MCTP1: variants seen among roughly 807,000 people sequenced by gnomAD.
The protein encoded by MCTP1 is multiple C2 and transmembrane domain containing 1, also known as multiple C2 and transmembrane domain-containing protein 1.
MCTP1 carries 69 observed loss-of-function variants against 120.6 expected under a neutral mutation model. The ratio of observed to expected loss-of-function variants is 0.57; its 90% CI spans 0.47 to 0.70. MCTP1 has a LOEUF of 0.70. MCTP1 is among the 30% of genes least tolerant of loss of function. MCTP1 has a pLI of 0.00. For missense variants in MCTP1, 1,203 were observed against 1,248.8 expected (o/e 0.96, Z 0.55); for synonymous variants, 529 against 493.1 (o/e 1.07, Z -0.96).
chr5:95,031,822 C>T (rs1324644751), intron 1 of MCTP1, among the ~76,000 whole-genome samples: 1 of 152,092 alleles, frequency 6.6e-6, no homozygotes, highest in African/African-American at 2.4e-5. Flanking sequence ...CAACAAAGAT[C>T]CAATTTTTTG....
intron 2 of MCTP1, among the ~76,000 whole-genome samples, chr5:94,960,130 T>C (rs745503000): frequency 2.0e-5 from 3 of 152,056 alleles, no homozygotes; most frequent in Admixed American, 6.5e-5. Flanking sequence ...TCTACAACCA[T>C]CTGATCCTTG....
chr5:95,043,360 T>C (rs577679579), intron 1 of MCTP1, among the ~76,000 whole-genome samples: 26 of 152,286 alleles, frequency 1.7e-4, no homozygotes, highest in Middle Eastern at 3.4e-3. Flanking sequence ...TAACCCTTAC[T>C]AAGCAGTACT....
chr5:94,958,003 C>T (rs566180909), intron 2 of MCTP1, among the ~76,000 whole-genome samples: 5 of 151,642 alleles, frequency 3.3e-5, no homozygotes, highest in African/African-American at 7.3e-5. Context: ...ATTCTAAAAT[C>T]GACCACATAA....
intron 18 of MCTP1, among the ~76,000 whole-genome samples, chr5:94,790,111 C>T (rs1199838130): frequency 1.3e-5 from 2 of 152,072 alleles, no homozygotes; most frequent in African/African-American, 4.8e-5. Context: ...CTAATTTGGT[C>T]GTGAGGTCTG....
intron 17 of MCTP1, among the ~76,000 whole-genome samples, chr5:94,858,679 A>C (rs1330963740): frequency 6.6e-6 from 1 of 151,702 alleles, no homozygotes; most frequent in Non-Finnish European, 1.5e-5. Flanking sequence ...CTATGTTAGT[A>C]AGTCATTTTA....
rs564224130 is a variant in MCTP1 at position 94,987,170 on chromosome 5, C to T, written c.838+30197G>A. Among the ~76,000 whole-genome samples the T allele has an allele frequency of 2.3e-4, 35 of 152,228 alleles. 1 individual carries two copies. The South Asian group carries it at 6.8e-3, about 30-fold the overall frequency. Reference sequence around the variant, plus strand: ...CAGATGGGAAAGGCTAACTGTGTTGCATGCTTACTATAGGCTAGGCATTGT... The same window carrying T: ...CAGATGGGAAAGGCTAACTGTGTTGTATGCTTACTATAGGCTAGGCATTGT... On this transcript the variant is annotated intron_variant, in intron 2 of 22. Transcript: ENST00000515393.
chr5:95,253,920 A>C (rs1392847440), intron 1 of MCTP1, among the ~76,000 whole-genome samples: 1 of 152,126 alleles, frequency 6.6e-6, no homozygotes, highest in South Asian at 2.1e-4. Flanking sequence ...CTGGGTCACA[A>C]AATACCTATT....
chr5:95,128,941 T>G (rs1758830478), intron 1 of MCTP1, among the ~76,000 whole-genome samples: 1 of 152,094 alleles, frequency 6.6e-6, no homozygotes, highest in African/African-American at 2.4e-5. Context: ...CACCAACATT[T>G]AAGCAGCAAG....
chr5:94,779,948 T>C (rs1776218251), intron 18 of MCTP1, among the ~76,000 whole-genome samples: 1 of 152,138 alleles, frequency 6.6e-6, no homozygotes. Flanking sequence ...GATCAACATA[T>C]AACCATAGGC....
chr5:95,096,480 T>A (rs1582239825), intron 1 of MCTP1, among the ~76,000 whole-genome samples: 1 of 152,160 alleles, frequency 6.6e-6, no homozygotes, highest in South Asian at 2.1e-4. Flanking sequence ...TACCTTCTAC[T>A]TGGCTGAGTC....
intron 19 of MCTP1, among the ~76,000 whole-genome samples, chr5:94,741,515 C>CA (rs1765531881): frequency 6.6e-6 from 1 of 152,158 alleles, no homozygotes; most frequent in Non-Finnish European, 1.5e-5. Context: ...GAGTCCAATA[C>CA]AAAATCAATC....
In MCTP1 at chr5:95,117,090, G is replaced by A. The variant is rs370457319; in HGVS notation, c.721-99606C>T. Among the ~76,000 whole-genome samples, 295 of 152,188 alleles carry A rather than the reference G, an allele frequency of 1.9e-3. 3 individuals are homozygous for A. The highest frequency in any genetic ancestry group is 6.5e-3 in the African/African-American group (270 of 41,526). ...AAAAGGTGGGCAACGGACATGAACA[G>A]ACATTTTTCAAAAGAAGACATTCAC... On this transcript the variant is annotated intron_variant, in intron 1 of 22. Coordinates refer to ENST00000515393, the MANE Select transcript of MCTP1 (RefSeq NM_024717.7).
intron 1 of MCTP1, among the ~76,000 whole-genome samples, chr5:95,018,654 T>TGAA (rs1837606089): frequency 6.6e-6 from 1 of 152,048 alleles, no homozygotes; most frequent in Non-Finnish European, 1.5e-5. Flanking sequence ...CTCCACCTTC[T>TGAA]CATGATATCC....
intron 7 of MCTP1, among the ~76,000 whole-genome samples, chr5:94,920,742 AAAATAAATAAATAAATAAATAAAT>A (rs113227976): frequency 3.9e-4 from 55 of 142,114 alleles, no homozygotes; most frequent in African/African-American, 1.4e-3. Flanking sequence ...ATTCCGTCTC[AAAATAAATAAATAAATAAATAAAT>A]AAATAAATAA....
In MCTP1 at chr5:95,233,033, T is replaced by C. The variant is rs537295470; in HGVS notation, c.720+50823A>G. ...TTATAGCCAGAGATTTCAACAACTCTTTTCCAATAATTGGTAGAATAAATA... is the reference window on the plus strand; with the variant it reads ...TTATAGCCAGAGATTTCAACAACTCCTTTCCAATAATTGGTAGAATAAATA... On this transcript the variant is annotated intron_variant, in intron 1 of 22. Transcript: ENST00000515393. Among the ~76,000 whole-genome samples, 10 of 152,280 alleles carry C rather than the reference T, an allele frequency of 6.6e-5. No individual in the cohort carries two copies. In the East Asian group the frequency reaches 1.9e-3, roughly 29 times the overall value.
Position 95,284,239 on chromosome 5 carries a change from C to A in MCTP1, c.337G>T (p.Gly113Cys), listed in dbSNP as rs546374504. Residue 113 changes from glycine to cysteine, a missense_variant, in exon 1 of 23, where the codon GGC (glycine) becomes TGC (cysteine). Transcript: ENST00000515393. This position sits in a 1 kb window ranked among gnomAD's most constrained non-coding sequence, Gnocchi z 5.2. ...AGCGTGGACCCCTGCTCGGCTCTGC[C>A]GGCGCCGCCGGGCTCCAGGGGCTCC... is the stretch of plus-strand genomic sequence containing the variant. ...SPEPLEPGGAGRAEQGSTLRR... is the reference protein window; with the variant it reads ...SPEPLEPGGACRAEQGSTLRR... 6 of 1,585,258 alleles carry A rather than the reference C, an allele frequency of 3.8e-6. No homozygotes were observed. Among genetic ancestry groups the A allele is most frequent in the South Asian group, 3.4e-5 (3 of 88,816 alleles).
chr5:95,059,459 A>G (rs1748330515), intron 1 of MCTP1, among the ~76,000 whole-genome samples: 1 of 152,072 alleles, frequency 6.6e-6, no homozygotes. Context: ...TAACTATTGG[A>G]TATTATGCTC....
chr5:94,822,527 C>A (rs1322775852), intron 17 of MCTP1, among the ~76,000 whole-genome samples: 2 of 152,088 alleles, frequency 1.3e-5, no homozygotes, highest in African/African-American at 4.8e-5. Context: ...CATACATGTG[C>A]ATGTGTTTTT....
chr5:94,760,103 T>A (rs1770983693), intron 19 of MCTP1, among the ~76,000 whole-genome samples: 1 of 152,048 alleles, frequency 6.6e-6, no homozygotes, highest in Non-Finnish European at 1.5e-5. Flanking sequence ...CCATGTGGTA[T>A]CTAGAGATAA....
Sources: gnomAD v4.1 joint callset for allele counts (sites outside exome capture counted in the v4.1 genomes callset) on GRCh38, gnomAD v4.1.1 for gene constraint, Gnocchi (gnomAD v3.1) non-coding constraint, MANE v1.5 for transcripts, NCBI Gene and HGNC (gene_info 2026-07-23, HGNC 2026-07-21) for gene names.